NVL: variants seen among roughly 807,000 people sequenced by gnomAD.
NVL encodes nuclear VCP like, also known as nuclear valosin-containing protein-like.
In NVL, 84 loss-of-function variants were observed where a neutral mutation model predicts 110.2. The observed-to-expected ratio is 0.76, with a 90% CI of 0.64 to 0.91. The LOEUF is 0.91. Ranked by LOEUF, NVL falls within the 40% of genes least tolerant of loss-of-function variation. The probability of loss-of-function intolerance (pLI) is 0.00; values close to 1 mark genes in which losing one functional copy is unlikely to be tolerated. For synonymous variants in NVL, 354 were observed against 361.1 expected, an observed-to-expected ratio of 0.98 and a Z score of 0.22; for missense variants, 882 against 1,035.9, an observed-to-expected ratio of 0.85 and a Z score of 2.04.
Position 224,308,219 on chromosome 1 carries a change from T to C in NVL, c.387A>G (p.Lys129=). Residue 129 remains lysine, a synonymous_variant, in exon 6 of 23, where the codon AAA becomes AAG. Transcript: ENST00000281701. ...MNSSLLSLYR[K]GNPDSVSNTP... ...TATTTGAAACAGAATCAGGATTTCC[T>C]TTCCGATATAAAGACAGCAGGGAAC... 6.2e-7 allele frequency: 1 copy of C among 1,612,952 alleles called. No homozygotes were observed. Among genetic ancestry groups the C allele is most frequent in the Non-Finnish European group, 8.5e-7 (1 of 1,179,658 alleles).
rs541872828 is a variant in NVL at position 224,230,230 on chromosome 1, A to T, written c.2526+996T>A. On this transcript the variant is annotated intron_variant, in intron 22 of 22. Transcript: ENST00000281701. ...AGTCCCTATGGCTTAGTTTGGGTAC[A>T]GTCTAGCTCCAAGAAATACAAAGCC... 3.9e-5 allele frequency among the ~76,000 whole-genome samples: 6 copies of T among 152,324 alleles called. No homozygotes were observed. In the South Asian group the frequency reaches 6.2e-4, roughly 16 times the overall value.
intron 18 of NVL, among the ~76,000 whole-genome samples, chr1:224,253,200 GC>G (rs1252992049): frequency 1.3e-5 from 2 of 151,372 alleles, no homozygotes; most frequent in East Asian, 2.0e-4. Context: ...GTGCCCCCCT[GC>G]CCCCCACGCC....
At chr1:224,248,195 C>T (rs544845106) in intron 19 of NVL, among the ~76,000 whole-genome samples, 5 of 152,304 alleles carry the variant, frequency 3.3e-5, no homozygotes, top group Admixed American at 6.5e-5. Flanking sequence ...AATTCATCTA[C>T]CTTTTCCTTT....
intron 5 of NVL, among the ~76,000 whole-genome samples, chr1:224,309,243 C>T (rs1469967728): frequency 6.6e-6 from 1 of 152,006 alleles, no homozygotes; most frequent in Admixed American, 6.6e-5. Context: ...TGGGACTGGG[C>T]GTGGTAGCTC....
Position 224,311,786 on chromosome 1 carries a change from A to C in NVL, c.342+14T>G, listed in dbSNP as rs1162483060. On this transcript the variant is annotated intron_variant, in intron 5 of 22. Coordinates refer to ENST00000281701, the MANE Select transcript of NVL (RefSeq NM_002533.4). ...AGAAAAAATCTAAGTGGACCCACTA[A>C]ATGTTTGGCTTACCTGTGGATCTGG... The C allele has an allele frequency of 1.3e-5, 21 of 1,608,836 alleles. No individual in the cohort carries two copies. The highest frequency in any genetic ancestry group is 1.8e-5 in the Non-Finnish European group (21 of 1,175,346).
intron 9 of NVL, among the ~76,000 whole-genome samples, chr1:224,303,192 T>C (rs1016660335): frequency 3.9e-5 from 6 of 152,186 alleles, no homozygotes; most frequent in Non-Finnish European, 2.9e-5. Context: ...CCTAGCACTT[T>C]GGGAGGCTGA....
intron 14 of NVL, 105 bp downstream of exon 14, chr1:224,287,670 T>C (rs1666993352): frequency 6.1e-6 from 5 of 818,518 alleles, no homozygotes; most frequent in East Asian, 2.6e-5. Flanking sequence ...ACAGTGATTA[T>C]AGTCAAGTCA....
In NVL at chr1:224,330,100, C is replaced by T. The variant is rs772961167; in HGVS notation, c.28G>A (p.Asp10Asn). MKPRPAGFV[D>N]NKLKQRVIQY... ...ATGACTCGCTGCTTGAGTTTATTAT[C>T]CACGAACCCTGCAGGTCTGGGCTTC... Residue 10 changes from aspartate (D) to asparagine (N), a missense_variant, in exon 1 of 23, where the codon GAT becomes AAT. Asp to Asn is a conservative substitution (Grantham distance 23). This residue lies in a region of NVL where 274 missense variants were observed against 268.4 expected (regional missense o/e 1.02). Coordinates refer to ENST00000281701, the MANE Select transcript of NVL (RefSeq NM_002533.4). 6.2e-6 allele frequency: 10 copies of T among 1,614,098 alleles called. No homozygotes were observed. Among genetic ancestry groups the T allele is most frequent in the Non-Finnish European group, 8.5e-6 (10 of 1,180,004 alleles).
chr1:224,302,981 T>G, intron 9 of NVL: 1 of 275,500 alleles, frequency 3.6e-6, no homozygotes, highest in Non-Finnish European at 7.3e-6. Context: ...CCTGGGAAGT[T>G]GAGGCTGTAG....
chr1:224,297,126 G>A (rs948506385), intron 10 of NVL, among the ~76,000 whole-genome samples: 1 of 152,176 alleles, frequency 6.6e-6, no homozygotes, highest in African/African-American at 2.4e-5. Context: ...TAAAAAATCT[G>A]TGGTAAAATA....
intron 19 of NVL, among the ~76,000 whole-genome samples, chr1:224,246,000 C>T (rs924054420): frequency 1.3e-5 from 2 of 151,882 alleles, no homozygotes; most frequent in African/African-American, 4.8e-5. Context: ...TGCAGGGCTC[C>T]TCTCTGTTAC....
In NVL at chr1:224,231,112, G is replaced by A. The variant is rs183063314; in HGVS notation, c.2526+114C>T. ...CGCACCACTGCACTCCAGCATGGAC[G>A]ACAGAGCAAGACTCCGTCTCAAAAA... is the stretch of plus-strand genomic sequence containing the variant. On this transcript the variant is annotated intron_variant, in intron 22 of 22. Transcript: ENST00000281701. The A allele has an allele frequency of 8.6e-5, 59 of 688,914 alleles. 1 individual carries two copies. The Middle Eastern group carries it at 1.7e-3, about 20-fold the overall frequency. The allele number at this position is 688,914 out of a possible 1,614,324, so 42.7% of individuals were successfully genotyped here.
chr1:224,227,637 G>A lies in NVL; in HGVS notation c.2560C>T (p.Leu854Phe). Residue 854 changes from leucine to phenylalanine, a missense_variant, in exon 23 of 23, where the codon CTC becomes TTC. By Grantham distance (22) the Leu-to-Phe change is conservative (BLOSUM62 0). Around this residue, in one of 4 missense-constraint regions of NVL, gnomAD observed 126 missense variants for 140.7 expected, o/e 0.90. Coordinates refer to ENST00000281701, the MANE Select transcript of NVL (RefSeq NM_002533.4). Reference sequence around the variant, plus strand: ...GGCTGCTGGAGACATCACCGGCTGAGGGACTCCTGCAAACGTTCATACATG... The same window carrying A: ...GGCTGCTGGAGACATCACCGGCTGAAGGACTCCTGCAAACGTTCATACATG... ...QIMYERLQESLSR is the reference protein window; with the variant it reads ...QIMYERLQESFSR The A allele has an allele frequency of 6.2e-7, 1 of 1,611,516 alleles. No homozygotes were observed. The highest frequency in any genetic ancestry group is 1.1e-5 in the South Asian group (1 of 90,714).
intron 1 of NVL, 47 bp downstream of exon 1, chr1:224,330,024 G>A (rs1341847149): frequency 1.3e-6 from 2 of 1,591,548 alleles, no homozygotes; most frequent in Admixed American, 1.7e-5. Context: ...GCACCCTGGG[G>A]CAGCGATCGG....
intron 15 of NVL, among the ~76,000 whole-genome samples, chr1:224,283,443 T>C (rs1234987731): frequency 6.6e-6 from 1 of 151,946 alleles, no homozygotes; most frequent in Admixed American, 6.6e-5. Context: ...GCCAAGGTTG[T>C]GCCACTGCAC....
At chr1:224,316,099 G>A (rs918782030) in intron 4 of NVL, among the ~76,000 whole-genome samples, 8 of 152,102 alleles carry the variant, frequency 5.3e-5, no homozygotes, top group Non-Finnish European at 1.2e-4. Context: ...GAGCCCAGGA[G>A]GTAGAGGCTG....
chr1:224,317,646 CATGATA>C (rs1250912807), intron 4 of NVL, 42 bp downstream of exon 4: 11 of 1,108,572 alleles, frequency 9.9e-6, no homozygotes, highest in Non-Finnish European at 1.4e-5. Context: ...AGGAATGTAA[CATGATA>C]AAGTTCATGG....
chr1:224,265,500 T>C (rs1021625533), intron 18 of NVL, among the ~76,000 whole-genome samples: 4 of 151,986 alleles, frequency 2.6e-5, no homozygotes, highest in African/African-American at 7.2e-5. Context: ...CAAGACTCTG[T>C]CTCAAAATAA....
At chr1:224,285,016 A>C (rs1200937130) in intron 15 of NVL, among the ~76,000 whole-genome samples, 2 of 152,244 alleles carry the variant, frequency 1.3e-5, no homozygotes, top group Non-Finnish European at 2.9e-5. Context: ...CATTTCCATA[A>C]ATTATAGAAC....
Sources: allele counts gnomAD v4.1 joint callset (sites outside exome capture counted in the v4.1 genomes callset), GRCh38; gene constraint gnomAD v4.1.1; regional missense constraint gnomAD v4.1.1; transcripts MANE v1.5; gene names NCBI Gene and HGNC (gene_info 2026-07-23, HGNC 2026-07-21).